SIM1: variants seen among roughly 807,000 people sequenced by gnomAD.
SIM1 encodes the protein single-minded homolog 1.
SIM1 carries 18 observed loss-of-function variants against 78.2 expected under a neutral mutation model. The observed-to-expected ratio is 0.23, with a 90% CI of 0.16 to 0.34. The LOEUF is 0.34. Ranked by LOEUF, SIM1 falls within the 10% of genes least tolerant of loss-of-function variation. The pLI, the probability that SIM1 is intolerant of heterozygous loss-of-function variation, is 1.00. For synonymous variants in SIM1, 417 were observed against 385.2 expected (o/e 1.08, Z -0.97); for missense variants, 939 against 975.1 (o/e 0.96, Z 0.49).
At chr6:100,450,612 C>G in intron 3 of SIM1, among the ~76,000 whole-genome samples, 1 of 151,914 alleles carries the variant, frequency 6.6e-6, no homozygotes, top group East Asian at 1.9e-4. Flanking sequence ...CTGTAAGACT[C>G]AGGATCCACT....
In SIM1 at chr6:100,393,782, C is replaced by T. The variant is rs868738027; in HGVS notation, c.1275G>A (p.Arg425=). 1.9e-6 allele frequency: 3 copies of T among 1,614,102 alleles called. No individual in the cohort carries two copies. Among genetic ancestry groups the T allele is most frequent in the East Asian group, 4.5e-5 (2 of 44,878 alleles). ...ACGATGCGTCGTGCTGGGAGCCAGG[C>T]CTATCGGCGGGGTCCAGAAGCTGCG... ...ASPQLLDPAD[R]PGSQHDASCA... is the part of the protein sequence containing the mutation. Residue 425 remains arginine, a synonymous_variant, in exon 11 of 12, where the codon AGG becomes AGA. Transcript: ENST00000369208.
At position 100,385,688 on chromosome 6, in the gene SIM1, TG is replaced by T; in HGVS notation, c.*4672del. ...TTATTTATGTGTGTGTGTGTGTGTG[TG>T]TGTGTGTGTGTGTGTGTGTGTTATA... On this transcript the variant is annotated 3_prime_UTR_variant, in exon 12 of 12. Coordinates refer to ENST00000369208, the MANE Select transcript of SIM1 (RefSeq NM_005068.3). 1 of 151,586 alleles carries T rather than the reference TG, an allele frequency of 6.6e-6. No individual in the cohort carries two copies. Among genetic ancestry groups the T allele is most frequent in the Non-Finnish European group, 1.5e-5 (1 of 67,810 alleles). The allele number at this position is 151,586 out of a possible 1,614,324, so 9.4% of individuals were successfully genotyped here.
chr6:100,395,672 C>T (rs960666342), intron 10 of SIM1, among the ~76,000 whole-genome samples: 4 of 152,138 alleles, frequency 2.6e-5, no homozygotes, highest in African/African-American at 9.7e-5. Flanking sequence ...GTTCCCTTGT[C>T]GCCCATGATG....
chr6:100,423,312 T>G (rs1771642895), intron 9 of SIM1, among the ~76,000 whole-genome samples: 1 of 152,230 alleles, frequency 6.6e-6, no homozygotes, highest in Admixed American at 6.5e-5. Flanking sequence ...AACTCCCACT[T>G]GCCTCTATGA....
At chr6:100,462,478 A>G (rs887275168) in intron 2 of SIM1, 1 of 152,244 alleles carries the variant, frequency 6.6e-6, no homozygotes, top group Non-Finnish European at 1.5e-5. Flanking sequence ...GTCCTCACAC[A>G]GTGAATCTTG....
In SIM1 at chr6:100,390,693, G is replaced by A. The variant is rs750211772; in HGVS notation, c.1969C>T (p.Arg657Trp). 12 of 1,614,106 alleles carry A rather than the reference G, an allele frequency of 7.4e-6. No homozygotes were observed. Among genetic ancestry groups the A allele is most frequent in the East Asian group, 2.2e-5 (1 of 44,872 alleles). ...CGATCCGAATTGGGACTACTTATCC[G>A]AGATAGTGCGGTGGGACTGTTGTCA... The part of the protein sequence containing the change: ...DYDNSPTALS[R>W]ISSPNSDRIS... Residue 657 changes from arginine (R) to tryptophan (W), a missense_variant, in exon 12 of 12, where the codon CGG becomes TGG. Arg to Trp is a moderately radical substitution (Grantham distance 101). Coordinates refer to ENST00000369208, the MANE Select transcript of SIM1 (RefSeq NM_005068.3).
intron 2 of SIM1, among the ~76,000 whole-genome samples, chr6:100,459,562 C>A (rs761865188): frequency 6.6e-6 from 1 of 152,254 alleles, no homozygotes; most frequent in Non-Finnish European, 1.5e-5. Flanking sequence ...TTTCAGTTCT[C>A]TGCCTCAAAA....
chr6:100,433,244 C>A (rs984078862), intron 9 of SIM1, among the ~76,000 whole-genome samples: 3 of 152,314 alleles, frequency 2.0e-5, no homozygotes, highest in Middle Eastern at 3.4e-3. Flanking sequence ...CCTTCAAGAT[C>A]CAAGGCGATC....
intron 9 of SIM1, among the ~76,000 whole-genome samples, chr6:100,441,771 G>C (rs2114532095): frequency 6.6e-6 from 1 of 152,250 alleles, no homozygotes; most frequent in Non-Finnish European, 1.5e-5. Flanking sequence ...ATTTTAGCTA[G>C]GAAAATGTCA....
Position 100,390,278 on chromosome 6 carries a change from G to A in SIM1, c.*83C>T. On this transcript the variant is annotated 3_prime_UTR_variant, in exon 12 of 12. Coordinates refer to ENST00000369208, the MANE Select transcript of SIM1 (RefSeq NM_005068.3). Reference sequence around the variant, plus strand: ...TAAGTTATACTCTCTAACAATCTGTGGCATAGTAAATGCTGGTAATGGGGT... The same window carrying A: ...TAAGTTATACTCTCTAACAATCTGTAGCATAGTAAATGCTGGTAATGGGGT... 1 of 1,422,180 alleles carries A rather than the reference G, an allele frequency of 7.0e-7. No homozygotes were observed. Among genetic ancestry groups the A allele is most frequent in the South Asian group, 1.4e-5 (1 of 73,968 alleles). The allele number at this position is 1,422,180 out of a possible 1,614,324, so 88.1% of individuals were successfully genotyped here.
rs112151329 is a variant in SIM1, at chr6:100,450,696, TCACA to T, written c.259-344_259-341del. ...CTCTCTCTCTCTCTCTCTCTCTCTC[TCACA>T]CACACACACACACACACACACACAC... is the stretch of plus-strand genomic sequence containing the variant. On this transcript the variant is annotated intron_variant, in intron 3 of 11. Coordinates refer to ENST00000369208, the MANE Select transcript of SIM1 (RefSeq NM_005068.3). Among the ~76,000 whole-genome samples the T allele has an allele frequency of 5.2e-3, 476 of 91,914 alleles. 1 individual carries two copies. Among genetic ancestry groups the T allele is most frequent in the East Asian group, 0.012 (34 of 2,790 alleles). The allele number at this position is 91,914 out of a possible 152,430, so 60.3% of individuals were successfully genotyped here.
chr6:100,452,922 T>C (rs1318870510), intron 3 of SIM1, among the ~76,000 whole-genome samples: 1 of 152,148 alleles, frequency 6.6e-6, no homozygotes, highest in Non-Finnish European at 1.5e-5. Context: ...ATGCCACTCA[T>C]GCCAGCCCAC....
At chr6:100,456,298 C>T (rs568985080) in intron 2 of SIM1, among the ~76,000 whole-genome samples, 6 of 152,318 alleles carry the variant, frequency 3.9e-5, no homozygotes, top group East Asian at 3.9e-4. Context: ...CTCCTGCCTT[C>T]GGTGACGCGC....
chr6:100,432,229 A>C (rs774600728), intron 9 of SIM1, among the ~76,000 whole-genome samples: 6 of 152,224 alleles, frequency 3.9e-5, no homozygotes, highest in Non-Finnish European at 5.9e-5. Context: ...TCCTGAAAGC[A>C]GTAGTTCTAA....
intron 10 of SIM1, among the ~76,000 whole-genome samples, chr6:100,404,342 A>G (rs1371518549): frequency 5.3e-5 from 8 of 152,212 alleles, no homozygotes; most frequent in Non-Finnish European, 4.4e-5. Context: ...CTGGCAGCTC[A>G]TTGAGGTTTT....
chr6:100,448,363 G>A (rs1772417212), intron 7 of SIM1, 111 bp from the exon 8 acceptor site: 13 of 1,379,334 alleles, frequency 9.4e-6, no homozygotes, highest in East Asian at 5.0e-5. Context: ...ACTTTCCAGG[G>A]CCGATTCAGT....
intron 11 of SIM1, among the ~76,000 whole-genome samples, chr6:100,392,134 A>T (rs1770657629): frequency 6.6e-6 from 1 of 152,212 alleles, no homozygotes; most frequent in South Asian, 2.1e-4. Context: ...AGATCGCGCC[A>T]TTGCACTCCA....
chr6:100,421,223 A>T (rs1369218624), intron 9 of SIM1, among the ~76,000 whole-genome samples: 1 of 152,092 alleles, frequency 6.6e-6, no homozygotes, highest in Non-Finnish European at 1.5e-5. Context: ...GAGCTCTTTG[A>T]TGAGATATGA....
At position 100,448,364 on chromosome 6, in the gene SIM1, C is replaced by A. The variant is rs945718396; in HGVS notation, c.744-112G>T. The A allele has an allele frequency of 3.6e-6, 5 of 1,380,232 alleles. No individual in the cohort carries two copies. The African/African-American group carries it at 7.2e-5, about 20-fold the overall frequency. 85.5% of individuals were successfully genotyped at this position (1,380,232 alleles called of 1,614,324 possible). A position where few individuals can be genotyped will look rare whatever the true frequency, so the allele number is the denominator to read the frequency against. On this transcript the variant is annotated intron_variant, in intron 7 of 11. Coordinates refer to ENST00000369208, the MANE Select transcript of SIM1 (RefSeq NM_005068.3). ...AGCTGTCCGCCCTCACTTTCCAGGGCCGATTCAGTCGCCTCATGTGCAAAA... is the reference window on the plus strand; with the variant it reads ...AGCTGTCCGCCCTCACTTTCCAGGGACGATTCAGTCGCCTCATGTGCAAAA...
Sources: allele counts gnomAD v4.1 joint callset (sites outside exome capture counted in the v4.1 genomes callset), GRCh38; gene constraint gnomAD v4.1.1; transcripts MANE v1.5; gene names NCBI Gene and HGNC (gene_info 2026-07-23, HGNC 2026-07-21).